Variants in IFT43 observed in about 807,000 individuals in gnomAD.
IFT43 encodes the protein intraflagellar transport 43, also known as intraflagellar transport protein 43 homolog.
IFT43 carries 33 observed loss-of-function variants against 32.3 expected under a neutral mutation model. The observed-to-expected ratio is 1.02, with a 90% CI of 0.77 to 1.37. IFT43 has a LOEUF of 1.37. Among genes scored for constraint, IFT43 ranks in the 40% most tolerant of loss-of-function variants. The pLI is 0.00. For missense variants in IFT43, 274 were observed against 265.9 expected, an observed-to-expected ratio of 1.03 and a Z score of -0.21; for synonymous variants, 93 against 98.2, an observed-to-expected ratio of 0.95 and a Z score of 0.31.
intron 5 of IFT43, among the ~76,000 whole-genome samples, chr14:76,071,370 GAC>G (rs1218755628): frequency 1.3e-5 from 2 of 152,222 alleles, no homozygotes; most frequent in Admixed American, 6.5e-5. Context: ...ATTCTAAGGA[GAC>G]ACAGTGATTC....
At chr14:76,029,664 T>G (rs2139978081) in intron 3 of IFT43, among the ~76,000 whole-genome samples, 1 of 152,212 alleles carries the variant, frequency 6.6e-6, no homozygotes, top group Non-Finnish European at 1.5e-5. Context: ...GGGTCCAGTT[T>G]CATTCTTTTA....
In IFT43 at chr14:76,023,735, A is replaced by C. The variant is rs114011605; in HGVS notation, c.215+1341A>C. Among the ~76,000 whole-genome samples, 1,217 of 152,332 alleles carry C rather than the reference A, an allele frequency of 8.0e-3. 20 individuals are homozygous for C. Among genetic ancestry groups the C allele is most frequent in the African/African-American group, 0.025 (1,050 of 41,564 alleles). ...ATCTTTATGGTGCCATAAATGCTTC[A>C]TATGAAGGGTCGGTTTGGGAGAAGT... On this transcript the variant is annotated intron_variant, in intron 3 of 8. Coordinates refer to ENST00000314067, the MANE Select transcript of IFT43 (RefSeq NM_001102564.3).
chr14:76,014,406 A>G, intron 2 of IFT43, among the ~76,000 whole-genome samples: 1 of 152,222 alleles, frequency 6.6e-6, no homozygotes, highest in East Asian at 1.9e-4. Flanking sequence ...TCAAACTGCC[A>G]CATTATGATC....
Position 76,080,572 on chromosome 14 carries a change from A to G in IFT43, c.296-1723A>G, listed in dbSNP as rs372077995. ...AGTGCATTTTCTTACCAACTTCTGA[A>G]TATTCATCTCAGGCTGGATTCTGCA... On this transcript the variant is annotated intron_variant, in intron 5 of 8. Transcript: ENST00000314067. 9.2e-5 allele frequency among the ~76,000 whole-genome samples: 14 copies of G among 152,236 alleles called. No individual in the cohort carries two copies. In the East Asian group the frequency reaches 2.3e-3, roughly 25 times the overall value.
intron 5 of IFT43, chr14:76,076,513 A>T: frequency 1.9e-6 from 3 of 1,579,258 alleles, no homozygotes; most frequent in Non-Finnish European, 2.6e-6. Flanking sequence ...AGTTAGATTT[A>T]TACTCCAGGT....
intron 3 of IFT43, among the ~76,000 whole-genome samples, chr14:76,045,912 C>T (rs184726638): frequency 6.6e-5 from 10 of 152,224 alleles, no homozygotes; most frequent in South Asian, 6.2e-4. Context: ...ATGGGAGAGA[C>T]GACTTTGGGT....
intron 3 of IFT43, among the ~76,000 whole-genome samples, chr14:76,031,242 A>C (rs566774376): frequency 5.9e-5 from 9 of 152,212 alleles, no homozygotes; most frequent in African/African-American, 2.2e-4. Flanking sequence ...TTGCTGATCC[A>C]CGTGGAATTT....
chr14:75,991,832 T>C (rs982460191), intron 2 of IFT43, among the ~76,000 whole-genome samples: 2 of 152,178 alleles, frequency 1.3e-5, no homozygotes, highest in African/African-American at 4.8e-5. Context: ...GATTCCAGGA[T>C]CCCTTTCTCC....
At chr14:76,083,355 G>C in intron 8 of IFT43, 66 bp downstream of exon 8, 1 of 1,612,398 alleles carries the variant, frequency 6.2e-7, no homozygotes, top group Non-Finnish European at 8.5e-7. Context: ...CCGACTCCCG[G>C]GCTGGCCTGT....
intron 4 of IFT43, 52 bp downstream of exon 4, chr14:76,058,726 A>G: frequency 6.2e-7 from 1 of 1,609,104 alleles, no homozygotes; most frequent in East Asian, 2.2e-5. Context: ...ATCTTGGTCA[A>G]CAGTGCAGTC....
At chr14:76,054,729 G>C (rs1375529566) in intron 3 of IFT43, among the ~76,000 whole-genome samples, 1 of 152,214 alleles carries the variant, frequency 6.6e-6, no homozygotes, top group Non-Finnish European at 1.5e-5. Flanking sequence ...CAGGGGCCCT[G>C]AGTACAGAAA....
At chr14:76,059,542 C>T (rs972288128) in intron 5 of IFT43, 169 bp downstream of exon 5, 2 of 678,914 alleles carry the variant, frequency 2.9e-6, no homozygotes, top group Admixed American at 4.3e-5. Flanking sequence ...GCCACCTCTA[C>T]CTGGAGTATC....
chr14:76,040,534 T>C (rs1308274438), intron 3 of IFT43, among the ~76,000 whole-genome samples: 2 of 152,180 alleles, frequency 1.3e-5, no homozygotes, highest in African/African-American at 4.8e-5. Context: ...TGGGTTGATA[T>C]AGTGACATTT....
intron 2 of IFT43, among the ~76,000 whole-genome samples, chr14:76,004,760 C>T (rs2035951162): frequency 6.6e-6 from 1 of 152,100 alleles, no homozygotes; most frequent in Non-Finnish European, 1.5e-5. Flanking sequence ...TTTTGTCCTT[C>T]AGATTGGGTA....
intron 3 of IFT43, among the ~76,000 whole-genome samples, chr14:76,036,586 G>A (rs766275554): frequency 6.6e-6 from 1 of 151,870 alleles, no homozygotes; most frequent in Non-Finnish European, 1.5e-5. Context: ...TGTATTTTTA[G>A]TAGAGACAAG....
chr14:76,073,147 G>T (rs566133763), intron 5 of IFT43, among the ~76,000 whole-genome samples: 1 of 152,164 alleles, frequency 6.6e-6, no homozygotes, highest in Admixed American at 6.5e-5. Context: ...AATGGAAAAA[G>T]ATAGGTGGAG....
chr14:76,033,556 C>T (rs567872103), intron 3 of IFT43, among the ~76,000 whole-genome samples: 1 of 152,112 alleles, frequency 6.6e-6, no homozygotes, highest in African/African-American at 2.4e-5. Context: ...GACAGACTGA[C>T]TGTTGAGATT....
intron 3 of IFT43, among the ~76,000 whole-genome samples, chr14:76,027,512 A>C (rs2036424584): frequency 6.6e-6 from 1 of 152,102 alleles, no homozygotes; most frequent in Admixed American, 6.5e-5. Flanking sequence ...GATCGAGACC[A>C]TCCTGGCTAA....
intron 3 of IFT43, among the ~76,000 whole-genome samples, chr14:76,045,854 T>G (rs950109939): frequency 2.0e-5 from 3 of 152,222 alleles, no homozygotes; most frequent in African/African-American, 7.2e-5. Context: ...AAACAGATTT[T>G]TAGTTGGGCT....
Sources: gnomAD v4.1 joint callset for allele counts (sites outside exome capture counted in the v4.1 genomes callset) on GRCh38, gnomAD v4.1.1 for gene constraint, MANE v1.5 for transcripts, NCBI Gene and HGNC (gene_info 2026-07-23, HGNC 2026-07-21) for gene names.